LRBA: variants seen among roughly 807,000 people sequenced by gnomAD.
LRBA encodes LPS responsive beige-like anchor protein, also known as lipopolysaccharide-responsive and beige-like anchor protein.
Under a neutral mutation model 330.0 loss-of-function variants are expected in LRBA, and 176 were observed. That is an observed-to-expected ratio of 0.53 (90% confidence interval 0.47 to 0.60). LRBA has a LOEUF of 0.60. Among genes scored for constraint, LRBA ranks in the 20% least tolerant of loss-of-function variants. The pLI is 0.00. For missense variants in LRBA, 3,259 were observed against 3,444.8 expected, an observed-to-expected ratio of 0.95 and a Z score of 1.35; for synonymous variants, 1,230 against 1,193.0, an observed-to-expected ratio of 1.03 and a Z score of -0.64.
intron 37 of LRBA, among the ~76,000 whole-genome samples, chr4:150,682,468 T>C (rs937667233): frequency 7.2e-5 from 11 of 152,184 alleles, no homozygotes; most frequent in African/African-American, 2.7e-4. Flanking sequence ...TTTCTTTCTC[T>C]GAATATCAAA....
chr4:150,780,999 C>T (rs1036401715), intron 34 of LRBA, among the ~76,000 whole-genome samples: 3 of 152,078 alleles, frequency 2.0e-5, no homozygotes, highest in Non-Finnish European at 4.4e-5. Context: ...CCTGCCTCAG[C>T]CTCTCGAGTA....
intron 35 of LRBA, among the ~76,000 whole-genome samples, chr4:150,741,680 GA>G (rs200759845): frequency 6.6e-6 from 1 of 151,494 alleles, no homozygotes; most frequent in African/African-American, 2.4e-5. Flanking sequence ...TGCTAAGTAG[GA>G]AAAAAAAGAA....
At chr4:151,000,043 A>T (rs1743158188) in intron 2 of LRBA, among the ~76,000 whole-genome samples, 1 of 152,192 alleles carries the variant, frequency 6.6e-6, no homozygotes, top group Non-Finnish European at 1.5e-5. Flanking sequence ...GTAAGAGATT[A>T]ACAACAATAA....
At chr4:150,693,617 C>T (rs915377703) in intron 36 of LRBA, among the ~76,000 whole-genome samples, 2 of 106,088 alleles carry the variant, frequency 1.9e-5, no homozygotes, top group African/African-American at 6.0e-5. Context: ...CTAAAAGAAA[C>T]ATACTTAAGT....
intron 34 of LRBA, among the ~76,000 whole-genome samples, chr4:150,776,244 G>A (rs11099776): frequency 0.36 from 54,882 of 151,986 alleles, 11,506 homozygotes; most frequent in Middle Eastern, 0.47. Flanking sequence ...TTGAACCCAG[G>A]AGGCAGAGAT....
chr4:150,685,444 TTTTTTTG>T (rs1561514287), intron 36 of LRBA, among the ~76,000 whole-genome samples: 1 of 80,522 alleles, frequency 1.2e-5, no homozygotes, highest in Non-Finnish European at 2.5e-5. Flanking sequence ...TTTTTTTTTT[TTTTTTTG>T]AGACAGTCTT....
chr4:150,721,583 G>T (rs1376262688), intron 36 of LRBA: 1 of 172,490 alleles, frequency 5.8e-6, no homozygotes, highest in Non-Finnish European at 1.2e-5. Context: ...ATGAAATACA[G>T]AAATTGTAGA....
At position 150,562,743 on chromosome 4, in the gene LRBA, C is replaced by T. The variant is rs181959727; in HGVS notation, c.6330+25305G>A. ...AAACATTACACTGAGAGTTATTAGACGACAAAATTATGTCTTACTCATTTT... is the reference window on the plus strand; with the variant it reads ...AAACATTACACTGAGAGTTATTAGATGACAAAATTATGTCTTACTCATTTT... On this transcript the variant is annotated intron_variant, in intron 40 of 56. Coordinates refer to ENST00000651943, the MANE Select transcript of LRBA (RefSeq NM_001364905.1). Among the ~76,000 whole-genome samples the T allele has an allele frequency of 2.6e-3, 389 of 152,132 alleles. 4 individuals carry two copies. Among genetic ancestry groups the T allele is most frequent in the Admixed American group, 2.6e-3 (39 of 15,260 alleles).
At chr4:150,893,325 C>T (rs1729672694) in intron 16 of LRBA, among the ~76,000 whole-genome samples, 176 bp from the exon 17 acceptor site, 1 of 152,092 alleles carries the variant, frequency 6.6e-6, no homozygotes, top group African/African-American at 2.4e-5. Flanking sequence ...TCTGTAACTC[C>T]AAATATACAT....
chr4:150,637,778 A>C (rs1005938600), intron 37 of LRBA, among the ~76,000 whole-genome samples: 2 of 152,208 alleles, frequency 1.3e-5, no homozygotes, highest in Non-Finnish European at 2.9e-5. Flanking sequence ...GACTAAAGCC[A>C]TATCAGAGAT....
chr4:150,960,754 C>G (rs1052445489), intron 2 of LRBA, among the ~76,000 whole-genome samples: 3 of 149,000 alleles, frequency 2.0e-5, no homozygotes, highest in Non-Finnish European at 4.4e-5. Flanking sequence ...TACAGTTTTA[C>G]AATAAAAATT....
chr4:150,951,501 A>G (rs1003475496), intron 2 of LRBA, among the ~76,000 whole-genome samples: 1 of 152,166 alleles, frequency 6.6e-6, no homozygotes, highest in African/African-American at 2.4e-5. Context: ...GGCATCTAAA[A>G]TTACAATTGC....
intron 34 of LRBA, among the ~76,000 whole-genome samples, chr4:150,779,335 C>A (rs1737848149): frequency 6.6e-6 from 1 of 151,720 alleles, no homozygotes; most frequent in African/African-American, 2.4e-5. Context: ...CAAAAGTCTG[C>A]CTCTATTTTA....
chr4:150,349,370 A>C (rs1020834004), intron 48 of LRBA, among the ~76,000 whole-genome samples: 2 of 152,176 alleles, frequency 1.3e-5, no homozygotes, highest in South Asian at 4.1e-4. Flanking sequence ...TTTTCATATG[A>C]AGTATATTGG....
intron 42 of LRBA, among the ~76,000 whole-genome samples, chr4:150,472,241 A>T (rs937520748): frequency 6.6e-6 from 1 of 152,056 alleles, no homozygotes; most frequent in Non-Finnish European, 1.5e-5. Context: ...AAATTTTTTT[A>T]ATATAGCTTA....
intron 44 of LRBA, among the ~76,000 whole-genome samples, chr4:150,459,562 T>G (rs1167751832): frequency 6.6e-6 from 1 of 151,872 alleles, no homozygotes; most frequent in African/African-American, 2.4e-5. Context: ...AATAACACAT[T>G]CCTTACAGGG....
At chr4:150,560,397 T>G (rs1020095756) in intron 40 of LRBA, among the ~76,000 whole-genome samples, 5 of 152,152 alleles carry the variant, frequency 3.3e-5, no homozygotes, top group African/African-American at 1.2e-4. Flanking sequence ...TAGTGAAATA[T>G]GGGCTTTAAA....
At chr4:150,522,708 C>T (rs1763050253) in intron 40 of LRBA, among the ~76,000 whole-genome samples, 1 of 152,218 alleles carries the variant, frequency 6.6e-6, no homozygotes, top group Non-Finnish European at 1.5e-5. Flanking sequence ...TTCAGGCCAC[C>T]TCTCTGGAGG....
intron 36 of LRBA, among the ~76,000 whole-genome samples, chr4:150,726,399 A>G (rs1377726057): frequency 6.6e-6 from 1 of 152,216 alleles, no homozygotes; most frequent in African/African-American, 2.4e-5. Flanking sequence ...AGAGACAAAG[A>G]CGGTCATTAT....
Sources: allele counts gnomAD v4.1 joint callset (sites outside exome capture counted in the v4.1 genomes callset), GRCh38; gene constraint gnomAD v4.1.1; transcripts MANE v1.5; gene names NCBI Gene and HGNC (gene_info 2026-07-23, HGNC 2026-07-21).